The following LRRC7 variants were observed in gnomAD, a reference collection of about 807,000 sequenced individuals.
LRRC7 encodes leucine rich repeat containing 7, also known as leucine-rich repeat-containing protein 7.
Under a neutral mutation model 175.7 loss-of-function variants are expected in LRRC7, and 23 were observed. The observed-to-expected ratio is 0.13, with a 90% CI of 0.09 to 0.19. The LOEUF is 0.19. LRRC7 is among the 10% of genes least tolerant of loss of function. The pLI, the probability that LRRC7 is intolerant of heterozygous loss-of-function variation, is 1.00. For missense variants in LRRC7, 1,354 were observed against 1,904.7 expected, an observed-to-expected ratio of 0.71 and a Z score of 5.38; for synonymous variants, 685 against 680.9, an observed-to-expected ratio of 1.01 and a Z score of -0.09.
chr1:69,688,399 G>A (rs141230406), intron 2 of LRRC7, among the ~76,000 whole-genome samples: 17 of 152,214 alleles, frequency 1.1e-4, no homozygotes, highest in Non-Finnish European at 1.9e-4. Flanking sequence ...TGCTACTGTG[G>A]TCAGGAGCTT....
chr1:70,091,177 C>A (rs1351232027), intron 25 of LRRC7, among the ~76,000 whole-genome samples: 1 of 152,038 alleles, frequency 6.6e-6, no homozygotes, highest in Non-Finnish European at 1.5e-5. Context: ...AGCATATTTC[C>A]ATTTTGAAAT....
intron 5 of LRRC7, among the ~76,000 whole-genome samples, chr1:69,830,674 G>A (rs1680429528): frequency 1.3e-5 from 2 of 151,758 alleles, no homozygotes; most frequent in Admixed American, 1.3e-4. Flanking sequence ...CATTAATTTT[G>A]AATCTAAGTG....
chr1:69,713,377 G>A (rs1415972007), intron 2 of LRRC7, among the ~76,000 whole-genome samples: 5 of 151,862 alleles, frequency 3.3e-5, no homozygotes, highest in African/African-American at 1.2e-4. Context: ...CACCTGTAAC[G>A]TCATCTACTC....
Position 69,686,642 on chromosome 1 carries a change from C to T in LRRC7, c.100+8164C>T, listed in dbSNP as rs1182866386. Among the ~76,000 whole-genome samples, 14 of 151,892 alleles carry T rather than the reference C, an allele frequency of 9.2e-5. 1 individual carries two copies. Among genetic ancestry groups the T allele is most frequent in the South Asian group, 6.2e-4 (3 of 4,808 alleles). ...GTAAATCAAAGGTGAACTAAATATA[C>T]TCATGTAACCTAGAGGATGTGAAGG... is the stretch of plus-strand genomic sequence containing the variant. On this transcript the variant is annotated intron_variant, in intron 2 of 26. Coordinates refer to ENST00000651989, the MANE Select transcript of LRRC7 (RefSeq NM_001370785.2).
intron 25 of LRRC7, among the ~76,000 whole-genome samples, chr1:70,105,529 G>C (rs1665086122): frequency 6.6e-6 from 1 of 152,098 alleles, no homozygotes; most frequent in Non-Finnish European, 1.5e-5. Flanking sequence ...AGCAAAAATA[G>C]CATCCTACCA....
chr1:70,012,612 G>C (rs1656611080), intron 12 of LRRC7, among the ~76,000 whole-genome samples: 1 of 151,610 alleles, frequency 6.6e-6, no homozygotes, highest in Non-Finnish European at 1.5e-5. Flanking sequence ...CAACAATATT[G>C]TATTTTTGAG....
chr1:69,850,206 GA>G (rs1171052678), intron 7 of LRRC7, among the ~76,000 whole-genome samples: 3 of 151,966 alleles, frequency 2.0e-5, no homozygotes, highest in Non-Finnish European at 4.4e-5. Flanking sequence ...AACAACCAAA[GA>G]AAAAAAGAAG....
At chr1:69,623,801 C>T (rs1302432485) in intron 1 of LRRC7, among the ~76,000 whole-genome samples, 3 of 152,130 alleles carry the variant, frequency 2.0e-5, no homozygotes, top group Admixed American at 6.5e-5. Context: ...CCACCCACCT[C>T]GGCCTCCCAA....
At chr1:70,092,381 CAAAT>C (rs1278984725) in intron 25 of LRRC7, among the ~76,000 whole-genome samples, 6 of 152,092 alleles carry the variant, frequency 3.9e-5, no homozygotes, top group Non-Finnish European at 5.9e-5. Flanking sequence ...ATACTCTCTT[CAAAT>C]AAATAAGTCA....
chr1:69,609,193 T>C (rs1648295408), intron 1 of LRRC7, among the ~76,000 whole-genome samples: 1 of 151,810 alleles, frequency 6.6e-6, no homozygotes, highest in Non-Finnish European at 1.5e-5. Context: ...ATTTGTTTAT[T>C]ACAGTTCTTA....
chr1:69,842,338 C>T (rs1681818773), intron 7 of LRRC7, among the ~76,000 whole-genome samples: 2 of 151,986 alleles, frequency 1.3e-5, no homozygotes, highest in East Asian at 1.9e-4. Flanking sequence ...AAAATAAGGC[C>T]TCATTCATTA....
chr1:69,790,887 C>T (rs995585474), intron 3 of LRRC7, among the ~76,000 whole-genome samples: 6 of 151,898 alleles, frequency 4.0e-5, no homozygotes, highest in Admixed American at 2.0e-4. Context: ...CCAAACATGA[C>T]CCAAAGTAAG....
At position 69,849,009 on chromosome 1, in the gene LRRC7, C is replaced by A. The variant is rs558996288; in HGVS notation, c.647+10726C>A. Among the ~76,000 whole-genome samples, 9 of 152,160 alleles carry A rather than the reference C, an allele frequency of 5.9e-5. No homozygotes were observed. In the South Asian group the frequency reaches 1.4e-3, roughly 25 times the overall value. ...TTGTTTATATTGCATATACCCCAAA[C>A]CTTTACCTAACTACTTTGCATTTCT... On this transcript the variant is annotated intron_variant, in intron 7 of 26. Coordinates refer to ENST00000651989, the MANE Select transcript of LRRC7 (RefSeq NM_001370785.2).
chr1:70,039,049 A>G lies in LRRC7; in HGVS notation c.3225A>G (p.Gln1075=). 6.2e-7 allele frequency: 1 copy of G among 1,614,112 alleles called. No homozygotes were observed. Among genetic ancestry groups the G allele is most frequent in the Non-Finnish European group, 8.5e-7 (1 of 1,180,004 alleles). The change falls in exon 21 of 27, where the codon CAA becomes CAG. Residue 1075 remains glutamine, a synonymous_variant. Coordinates refer to ENST00000651989, the MANE Select transcript of LRRC7 (RefSeq NM_001370785.2). The stretch of plus-strand genomic sequence containing the variant: ...AGTTTGACCAAAGCTTCAATCCTCA[A>G]GGATCAGTGGAAGTGAAAGCCGAAA... ...VYQFDQSFNP[Q]GSVEVKAEKR... is the part of the protein sequence containing the mutation.
chr1:69,952,696 G>A (rs1650061985), intron 8 of LRRC7, among the ~76,000 whole-genome samples: 1 of 151,940 alleles, frequency 6.6e-6, no homozygotes, highest in Non-Finnish European at 1.5e-5. Flanking sequence ...CAATGAACTA[G>A]AACTGCATTC....
chr1:69,763,075 G>A (rs1301576485), intron 3 of LRRC7, among the ~76,000 whole-genome samples: 3 of 151,748 alleles, frequency 2.0e-5, no homozygotes, highest in Admixed American at 2.0e-4. Flanking sequence ...TGCATTATAG[G>A]AAAAAAATAG....
At chr1:69,961,876 A>G (rs1651125974) in intron 8 of LRRC7, among the ~76,000 whole-genome samples, 1 of 152,210 alleles carries the variant, frequency 6.6e-6, no homozygotes, top group Non-Finnish European at 1.5e-5. Flanking sequence ...CAAAACCATT[A>G]AAACCCTAGA....
chr1:70,007,327 T>C (rs1656079197), intron 11 of LRRC7, among the ~76,000 whole-genome samples: 1 of 152,178 alleles, frequency 6.6e-6, no homozygotes, highest in Non-Finnish European at 1.5e-5. Flanking sequence ...TTTCTTATTA[T>C]AAATCACAAT....
intron 2 of LRRC7, among the ~76,000 whole-genome samples, chr1:69,738,009 G>A (rs968375170): frequency 2.6e-5 from 4 of 151,996 alleles, no homozygotes; most frequent in African/African-American, 9.7e-5. Flanking sequence ...TATTGCACTT[G>A]TCAAATAGGA....
Sources: allele counts gnomAD v4.1 joint callset (sites outside exome capture counted in the v4.1 genomes callset), GRCh38; gene constraint gnomAD v4.1.1; transcripts MANE v1.5; gene names NCBI Gene and HGNC (gene_info 2026-07-23, HGNC 2026-07-21).